The following CTRL variants were observed in gnomAD, a reference collection of about 807,000 sequenced individuals.
CTRL encodes the protein chymotrypsin like.
Under a neutral mutation model 35.5 loss-of-function variants are expected in CTRL, and 38 were observed. That is an observed-to-expected ratio of 1.07 (90% CI 0.83 to 1.40). The LOEUF is 1.40. CTRL is among the 40% of genes most tolerant of loss of function. CTRL has a pLI of 0.00. For synonymous variants in CTRL, 155 were observed against 141.1 expected (o/e 1.10, Z -0.70); for missense variants, 327 against 342.9 (o/e 0.95, Z 0.37).
At position 67,931,808 on chromosome 16, in the gene CTRL, G is replaced by A. The variant is rs563586672; in HGVS notation, c.45C>T (p.Ser15=). The A allele has an allele frequency of 1.1e-5, 18 of 1,568,286 alleles. No individual in the cohort carries two copies. The African/African-American group carries it at 1.5e-4, about 13-fold the overall frequency. ...SLTLSLVLLG[S]SWGCGIPAIK... ...TGGTCCTGGCCCACTCACCCCAGGA[G>A]GAGCCGAGGAGAACCAGGCTTAGGG... The change falls in exon 1 of 7, where the codon TCC becomes TCT. Residue 15 remains serine, a synonymous_variant. Coordinates refer to ENST00000574481, the MANE Select transcript of CTRL (RefSeq NM_001907.3).
chr16:67,930,031 G>T lies in CTRL; in HGVS notation c.698C>A (p.Ser233Tyr), dbSNP rs1169328515. 6.2e-7 allele frequency: 1 copy of T among 1,614,144 alleles called. No individual in the cohort carries two copies. Among genetic ancestry groups the T allele is most frequent in the South Asian group, 1.1e-5 (1 of 91,088 alleles). ...GNTWVLIGIV[S>Y]WGTKNCNVRA... ...CACATTGCAGTTTTTGGTGCCCCAG[G>T]AGACAATACCAATAAGCACCCATGT... is the stretch of plus-strand genomic sequence containing the variant. The change falls in exon 7 of 7, where the codon TCC becomes TAC. Residue 233 changes from serine to tyrosine, a missense_variant. Physicochemically the swap from Ser to Tyr is moderately radical, Grantham distance 144. Coordinates refer to ENST00000574481, the MANE Select transcript of CTRL (RefSeq NM_001907.3). The surrounding 1 kb of genome is among the most constrained non-coding windows in gnomAD (Gnocchi z 4.3).
At position 67,930,862 on chromosome 16, in the gene CTRL, G is replaced by A. The variant is rs1331422907; in HGVS notation, c.237-55C>T. The A allele has an allele frequency of 2.5e-6, 4 of 1,612,596 alleles. No individual in the cohort carries two copies. The East Asian group carries it at 8.9e-5, about 36-fold the overall frequency. ...GGGAGGCCAGCGCGAGAGGGGGACA[G>A]CCAGGGGAGGAGGCAGGAAGAGGCG... is the stretch of plus-strand genomic sequence containing the variant. On this transcript the variant is annotated intron_variant, in intron 3 of 6. Coordinates refer to ENST00000574481, the MANE Select transcript of CTRL (RefSeq NM_001907.3). This position sits in a 1 kb window ranked among gnomAD's most constrained non-coding sequence, Gnocchi z 4.3.
In CTRL at chr16:67,930,423, G is replaced by C; in HGVS notation, c.484C>G (p.Arg162Gly). 2 of 1,613,916 alleles carry C rather than the reference G, an allele frequency of 1.2e-6. No homozygotes were observed. The highest frequency in any genetic ancestry group is 1.7e-6 in the Non-Finnish European group (2 of 1,179,952). The change falls in exon 5 of 7, where the codon CGC becomes GGC. Residue 162 changes from arginine to glycine, a missense_variant. Arg to Gly is a moderately radical substitution (Grantham distance 125, BLOSUM62 -2). Coordinates refer to ENST00000574481, the MANE Select transcript of CTRL (RefSeq NM_001907.3). The surrounding 1 kb of genome is among the most constrained non-coding windows in gnomAD (Gnocchi z 4.3). ...GLTCVTTGWG[R>G]LSGVGNVTPA... is the part of the protein sequence containing the mutation. ...GAGTCCCTACCCACGCCACTGAGGC[G>C]ACCCCAGCCGGTGGTGACACACGTG...
At chr16:67,931,069 G>C (rs985452345) in intron 2 of CTRL, 29 bp downstream of exon 2, 6 of 1,613,696 alleles carry the variant, frequency 3.7e-6, no homozygotes, top group Non-Finnish European at 5.1e-6. Context: ...GACGTACCCA[G>C]GACCCTGCCC....
chr16:67,929,930 G>A lies in CTRL; in HGVS notation c.*4C>T, dbSNP rs771823920. 3.1e-6 allele frequency: 5 copies of A among 1,613,204 alleles called. No homozygotes were observed. Among genetic ancestry groups the A allele is most frequent in the East Asian group, 2.2e-5 (1 of 44,854 alleles). ...GGTTGAGCTGGGGAGGGCCTGTGGT[G>A]AGCTCAGTTGTAGGCTATGACCTGG... is the stretch of plus-strand genomic sequence containing the variant. On this transcript the variant is annotated 3_prime_UTR_variant, in exon 7 of 7. Transcript: ENST00000574481.
In CTRL at chr16:67,930,804, A is replaced by C. The variant is rs776837631; in HGVS notation, c.240T>G (p.Pro80=). ...CGCCCAGGACAACAAAATGGCGGCC[A>C]GGGCTGCAAGGGGGTGGGATTAGGC... ...VVTAAHCNVS[P]GRHFVVLGEY... is the part of the protein sequence containing the mutation. The change falls in exon 4 of 7, where the codon CCT becomes CCG. Residue 80 remains proline (P), a synonymous_variant. Coordinates refer to ENST00000574481, the MANE Select transcript of CTRL (RefSeq NM_001907.3). This position sits in a 1 kb window ranked among gnomAD's most constrained non-coding sequence, Gnocchi z 4.3. The C allele has an allele frequency of 6.2e-7, 1 of 1,614,050 alleles. No homozygotes were observed. Among genetic ancestry groups the C allele is most frequent in the Non-Finnish European group, 8.5e-7 (1 of 1,180,002 alleles).
chr16:67,930,412 G>A lies in CTRL; in HGVS notation c.495C>T (p.Gly165=), dbSNP rs746126935. 12 of 1,612,120 alleles carry A rather than the reference G, an allele frequency of 7.4e-6. No individual in the cohort carries two copies. In the East Asian group the frequency reaches 1.6e-4, roughly 21 times the overall value. The change falls in exon 5 of 7, where the codon GGC becomes GGT. Residue 165 remains glycine (G), a synonymous_variant. Coordinates refer to ENST00000574481, the MANE Select transcript of CTRL (RefSeq NM_001907.3). The surrounding 1 kb of genome is among the most constrained non-coding windows in gnomAD (Gnocchi z 4.3). ...AGCTTTGGCCTGAGTCCCTACCCAC[G>A]CCACTGAGGCGACCCCAGCCGGTGG... ...CVTTGWGRLS[G]VGNVTPAHLQ... is the part of the protein sequence containing the mutation.
In CTRL at chr16:67,931,192, A is replaced by G. The variant is rs753414870; in HGVS notation, c.62T>C (p.Ile21Thr). ...VLLGSSWGCG[I>T]PAIKPALSFS... ...GCTCAGTGCCGGTTTGATGGCAGGA[A>G]TGCCGCAGCCTGGCCATTGGGCTAA... is the stretch of plus-strand genomic sequence containing the variant. The change falls in exon 2 of 7, where the codon ATT becomes ACT. Residue 21 changes from isoleucine (I) to threonine (T), a missense_variant. Physicochemically the swap from Ile to Thr is moderately conservative, Grantham distance 89 (BLOSUM62 -1). Transcript: ENST00000574481. 5.6e-6 allele frequency: 9 copies of G among 1,613,904 alleles called. No individual in the cohort carries two copies. The Admixed American group carries it at 1.3e-4, about 24-fold the overall frequency.
chr16:67,931,787 C>G lies in CTRL; in HGVS notation c.52+14G>C, dbSNP rs758715379. The G allele has an allele frequency of 6.4e-6, 10 of 1,560,024 alleles. No homozygotes were observed. The highest frequency in any genetic ancestry group is 7.8e-6 in the Non-Finnish European group (9 of 1,151,984). ...CTCCCAGGGCTGAATCAGGGCTGGT[C>G]CTGGCCCACTCACCCCAGGAGGAGC... On this transcript the variant is annotated intron_variant, in intron 1 of 6. Coordinates refer to ENST00000574481, the MANE Select transcript of CTRL (RefSeq NM_001907.3).
chr16:67,931,758 G>A, intron 1 of CTRL, 43 bp downstream of exon 1: 1 of 1,550,172 alleles, frequency 6.5e-7, no homozygotes, highest in Non-Finnish European at 8.7e-7. Flanking sequence ...TGGGAGCTGA[G>A]TTGCTCCCAG....
chr16:67,931,245 C>T (rs201228364), intron 1 of CTRL, 44 bp from the exon 2 acceptor site: 357 of 1,600,488 alleles, frequency 2.2e-4, no homozygotes, highest in Non-Finnish European at 2.8e-4. Context: ...TGCCTCAGCC[C>T]ATCTTTCCCC....
chr16:67,931,738 G>C, intron 1 of CTRL, 63 bp downstream of exon 1: 2 of 1,531,088 alleles, frequency 1.3e-6, no homozygotes, highest in South Asian at 2.4e-5. Flanking sequence ...CTCCTTCCCT[G>C]GGCTGTTGCT....
rs1200142260 is a variant in CTRL at position 67,931,200 on chromosome 16, G to C, written c.54C>G (p.Gly18=). ...CCGGTTTGATGGCAGGAATGCCGCA[G>C]CCTGGCCATTGGGCTAATGAGGACC... ...LSLVLLGSSW[G]CGIPAIKPAL... The change falls in exon 2 of 7, where the codon GGC becomes GGG. Residue 18 remains glycine (G), a splice_region_variant and synonymous_variant. Coordinates refer to ENST00000574481, the MANE Select transcript of CTRL (RefSeq NM_001907.3). 1.2e-6 allele frequency: 2 copies of C among 1,613,958 alleles called. No homozygotes were observed. The highest frequency in any genetic ancestry group is 1.1e-5 in the South Asian group (1 of 91,082).
In CTRL at chr16:67,929,865, G is replaced by T; in HGVS notation, c.*69C>A. On this transcript the variant is annotated 3_prime_UTR_variant, in exon 7 of 7. Coordinates refer to ENST00000574481, the MANE Select transcript of CTRL (RefSeq NM_001907.3). ...TTCTTTCTCCTGAGCCAGGAAGACA[G>T]ACATGAATGCATGATGGGACAGGGC... 6.5e-7 allele frequency: 1 copy of T among 1,531,060 alleles called. No homozygotes were observed. The highest frequency in any genetic ancestry group is 9.0e-7 in the Non-Finnish European group (1 of 1,116,176). The allele number at this position is 1,531,060 out of a possible 1,614,324, so 94.8% of individuals were successfully genotyped here.
rs1013773041 is a variant in CTRL at position 67,929,736 on chromosome 16, G to C, written c.*198C>G. 3.3e-5 allele frequency: 21 copies of C among 633,280 alleles called. No individual in the cohort carries two copies. Among genetic ancestry groups the C allele is most frequent in the Non-Finnish European group, 5.3e-6 (2 of 374,000 alleles). The allele number at this position is 633,280 out of a possible 1,614,324, so 39.2% of individuals were successfully genotyped here. ...GCCCTGGAGGAGGGGTGGGGGCCCC[G>C]GCCTCGGCATGGCTACTCTAGGAAG... On this transcript the variant is annotated 3_prime_UTR_variant, in exon 7 of 7. Transcript: ENST00000574481.
rs1354000327 is a variant in CTRL, at chr16:67,930,122, G to A, written c.634-27C>T. 23 of 1,613,828 alleles carry A rather than the reference G, an allele frequency of 1.4e-5. No homozygotes were observed. The highest frequency in any genetic ancestry group is 1.9e-5 in the Non-Finnish European group (22 of 1,179,774). ...TGAGAGGGAAGAGGGAGGGAGAATTGAGTAGGGGGGGTTGGGGAGGTATAC... is the reference window on the plus strand; with the variant it reads ...TGAGAGGGAAGAGGGAGGGAGAATTAAGTAGGGGGGGTTGGGGAGGTATAC... On this transcript the variant is annotated intron_variant, in intron 6 of 6. Coordinates refer to ENST00000574481, the MANE Select transcript of CTRL (RefSeq NM_001907.3). The surrounding 1 kb of genome is among the most constrained non-coding windows in gnomAD (Gnocchi z 4.3).
chr16:67,930,287 C>T lies in CTRL; in HGVS notation c.531G>A (p.Val177=), dbSNP rs771126434. The T allele has an allele frequency of 1.4e-5, 22 of 1,613,956 alleles. No homozygotes were observed. The highest frequency in any genetic ancestry group is 1.9e-5 in the Non-Finnish European group (22 of 1,180,042). The change falls in exon 6 of 7, where the codon GTG becomes GTA. Residue 177 remains valine (V), a synonymous_variant. Transcript: ENST00000574481. This position sits in a 1 kb window ranked among gnomAD's most constrained non-coding sequence, Gnocchi z 4.3. ...GNVTPAHLQQ[V]ALPLVTVNQC... ...GATTCACAGTGACCAGGGGCAAAGC[C>T]ACCTGCTGCAGATGTGCTGGTGTCA...
In CTRL at chr16:67,930,934, G is replaced by A. The variant is rs574384980; in HGVS notation, c.222C>T (p.Ala74=). The change falls in exon 3 of 7, where the codon GCC becomes GCT. Residue 74 remains alanine (A), a synonymous_variant. Coordinates refer to ENST00000574481, the MANE Select transcript of CTRL (RefSeq NM_001907.3). This position sits in a 1 kb window ranked among gnomAD's most constrained non-coding sequence, Gnocchi z 4.3. ...CAGGCACTCACCTGACATTGCAGTG[G>A]GCAGCAGTGACCACCCAGGACTGGC... ...LISQSWVVTA[A]HCNVSPGRHF... The A allele has an allele frequency of 6.3e-5, 101 of 1,613,692 alleles. No homozygotes were observed. In the South Asian group the frequency reaches 1.0e-3, roughly 16 times the overall value.
Position 67,929,823 on chromosome 16 carries a change from G to C in CTRL, c.*111C>G. ...GTGCCAGAAGTCCAAGTAGGGAGTCGGACCCTCAACAGCCTCTTCTTTCTC... is the reference window on the plus strand; with the variant it reads ...GTGCCAGAAGTCCAAGTAGGGAGTCCGACCCTCAACAGCCTCTTCTTTCTC... On this transcript the variant is annotated 3_prime_UTR_variant, in exon 7 of 7. Transcript: ENST00000574481. 3.3e-6 allele frequency: 4 copies of C among 1,220,730 alleles called. No homozygotes were observed. Among genetic ancestry groups the C allele is most frequent in the Non-Finnish European group, 3.5e-6 (3 of 863,426 alleles). The allele number at this position is 1,220,730 out of a possible 1,614,324, so 75.6% of individuals were successfully genotyped here.
Sources: gnomAD v4.1 joint callset for allele counts on GRCh38, gnomAD v4.1.1 for gene constraint, Gnocchi (gnomAD v3.1) non-coding constraint, MANE v1.5 for transcripts, NCBI Gene and HGNC (gene_info 2026-07-23, HGNC 2026-07-21) for gene names.